The following YAP1 variants were observed in gnomAD, a reference collection of about 807,000 sequenced individuals.
The protein encoded by YAP1 is transcriptional coactivator YAP1.
Under a neutral mutation model 56.9 loss-of-function variants are expected in YAP1, and 5 were observed. The observed-to-expected ratio is 0.09, with a 90% CI of 0.05 to 0.18. YAP1 has a LOEUF of 0.18. Ranked by LOEUF, YAP1 falls within the 10% of genes least tolerant of loss-of-function variation. YAP1 has a pLI of 1.00. For missense variants in YAP1, 539 were observed against 651.8 expected (o/e 0.83, Z 1.88); for synonymous variants, 265 against 248.1 (o/e 1.07, Z -0.64).
intron 3 of YAP1, among the ~76,000 whole-genome samples, chr11:102,170,437 T>C (rs1264599300): frequency 1.3e-5 from 2 of 152,148 alleles, no homozygotes; most frequent in African/African-American, 4.8e-5. Flanking sequence ...GAGTACTGTG[T>C]TTTGTATGCT....
At chr11:102,209,158 C>G (rs1949268864) in intron 5 of YAP1, among the ~76,000 whole-genome samples, 2 of 152,116 alleles carry the variant, frequency 1.3e-5, no homozygotes, top group Non-Finnish European at 2.9e-5. Context: ...AGTCTTTTGG[C>G]TTCCTGTGAA....
At position 102,140,135 on chromosome 11, in the gene YAP1, A is replaced by G. The variant is rs919306471; in HGVS notation, c.573-22321A>G. ...AAAGCATAGTAGCTTTTCTGTATAT[A>G]TAGTCTGATAGTGTAAAAAAAATTG... On this transcript the variant is annotated intron_variant, in intron 2 of 8. Coordinates refer to ENST00000282441, the MANE Select transcript of YAP1 (RefSeq NM_001130145.3). Among the ~76,000 whole-genome samples, 34 of 151,932 alleles carry G rather than the reference A, an allele frequency of 2.2e-4. 1 individual carries two copies. Among genetic ancestry groups the G allele is most frequent in the Non-Finnish European group, 4.4e-5 (3 of 68,004 alleles).
intron 2 of YAP1, among the ~76,000 whole-genome samples, chr11:102,119,538 T>C (rs1215725425): frequency 2.0e-5 from 3 of 151,998 alleles, no homozygotes; most frequent in Non-Finnish European, 2.9e-5. Flanking sequence ...GCTAATTTTC[T>C]TTTTAAAGTC....
chr11:102,222,273 T>G (rs2135696239), intron 6 of YAP1, among the ~76,000 whole-genome samples: 1 of 152,230 alleles, frequency 6.6e-6, no homozygotes, highest in Non-Finnish European at 1.5e-5. Flanking sequence ...TAAGAAACTG[T>G]ATGTATTTCA....
chr11:102,125,336 C>T (rs866932863), intron 2 of YAP1, among the ~76,000 whole-genome samples: 2 of 148,278 alleles, frequency 1.3e-5, no homozygotes, highest in South Asian at 2.2e-4. Flanking sequence ...TTTCTTTTTT[C>T]CCAAAAAGCT....
chr11:102,159,238 C>T (rs979878117), intron 2 of YAP1, among the ~76,000 whole-genome samples: 1 of 151,994 alleles, frequency 6.6e-6, no homozygotes, highest in Non-Finnish European at 1.5e-5. Flanking sequence ...GTTGTGGTGC[C>T]GCACAGGTCC....
At chr11:102,210,061 G>T (rs1366283416) in intron 6 of YAP1, among the ~76,000 whole-genome samples, 1 of 152,140 alleles carries the variant, frequency 6.6e-6, no homozygotes, top group South Asian at 2.1e-4. Context: ...GAGAGTATCT[G>T]CCTGGATAGT....
At chr11:102,132,000 C>G (rs1391661508) in intron 2 of YAP1, among the ~76,000 whole-genome samples, 1 of 152,130 alleles carries the variant, frequency 6.6e-6, no homozygotes, top group Non-Finnish European at 1.5e-5. Flanking sequence ...CGCCTGTTGT[C>G]CCAGCTACTC....
intron 3 of YAP1, among the ~76,000 whole-genome samples, chr11:102,184,388 A>G (rs987320914): frequency 1.3e-5 from 2 of 152,206 alleles, no homozygotes; most frequent in African/African-American, 4.8e-5. Flanking sequence ...TGTGATAAAC[A>G]GGTTTGCTTC....
At position 102,205,921 on chromosome 11, in the gene YAP1, T is replaced by G. The variant is rs776984386; in HGVS notation, c.831T>G (p.Ala277=). 5.0e-6 allele frequency: 8 copies of G among 1,601,024 alleles called. No homozygotes were observed. The African/African-American group carries it at 1.1e-4, about 22-fold the overall frequency. ...TGAACCAGAGAATCAGTCAGAGTGC[T>G]CCAGTGAAACAGCCACCACCCCTGG... The part of the protein sequence containing the change: ...FAMNQRISQS[A]PVKQPPPLAP... Residue 277 remains alanine, a synonymous_variant, in exon 5 of 9, where the codon GCT becomes GCG. Transcript: ENST00000282441.
intron 3 of YAP1, among the ~76,000 whole-genome samples, chr11:102,163,547 G>A (rs964294655): frequency 2.6e-5 from 4 of 152,132 alleles, no homozygotes; most frequent in Middle Eastern, 3.2e-3. Context: ...GCTTTACCCC[G>A]CTGCTCAGTG....
chr11:102,225,671 C>T (rs182354138), intron 7 of YAP1, among the ~76,000 whole-genome samples: 197 of 152,198 alleles, frequency 1.3e-3, no homozygotes, highest in African/African-American at 4.1e-3. Flanking sequence ...CTCAGATGTC[C>T]CCCTCCATGA....
intron 1 of YAP1, chr11:102,112,869 C>T: frequency 1.3e-6 from 1 of 765,548 alleles, no homozygotes; most frequent in Non-Finnish European, 1.6e-6. Context: ...AGATTGGATC[C>T]CCCATTTTGT....
rs182986944 is a variant in YAP1, at chr11:102,137,728, C to G, written c.572+23334C>G. ...TGGGTTGATTTAGTTCTAAATATTT[C>G]ACGTTATTAGAGTCATTGACTTTTT... On this transcript the variant is annotated intron_variant, in intron 2 of 8. Transcript: ENST00000282441. 2.5e-4 allele frequency among the ~76,000 whole-genome samples: 38 copies of G among 149,378 alleles called. 1 individual carries two copies. The highest frequency in any genetic ancestry group is 8.8e-4 in the African/African-American group (36 of 40,754).
chr11:102,111,216 G>T (rs1407568803), intron 1 of YAP1, 47 bp downstream of exon 1: 2 of 1,603,358 alleles, frequency 1.2e-6, no homozygotes, highest in South Asian at 1.1e-5. Flanking sequence ...GCGGGCCTCA[G>T]ACCGGGGGGG....
chr11:102,186,006 T>C lies in YAP1; in HGVS notation c.689-12T>C, dbSNP rs549666810. 52 of 1,542,180 alleles carry C rather than the reference T, an allele frequency of 3.4e-5. No individual in the cohort carries two copies. Among genetic ancestry groups the C allele is most frequent in the Admixed American group, 1.6e-4 (7 of 43,302 alleles). On this transcript the variant is annotated splice_polypyrimidine_tract_variant and intron_variant, in intron 3 of 8. Transcript: ENST00000282441. Reference sequence around the variant, plus strand: ...AAAAACCATGATTTTTTTTTTTTTTTCTGTATTATAGGTCCTCTTCCTGAT... The same window carrying C: ...AAAAACCATGATTTTTTTTTTTTTTCCTGTATTATAGGTCCTCTTCCTGAT...
intron 2 of YAP1, among the ~76,000 whole-genome samples, chr11:102,144,941 C>T (rs1174332881): frequency 6.6e-6 from 1 of 152,076 alleles, no homozygotes. Context: ...CTCTCTCCTT[C>T]TCCTTCCCTC....
chr11:102,159,528 T>C (rs531900380), intron 2 of YAP1, among the ~76,000 whole-genome samples: 2 of 152,338 alleles, frequency 1.3e-5, no homozygotes, highest in South Asian at 4.1e-4. Context: ...TGAACTCTTA[T>C]CTCATTTTTA....
intron 2 of YAP1, among the ~76,000 whole-genome samples, chr11:102,134,684 G>C (rs762908691): frequency 1.3e-5 from 2 of 151,848 alleles, no homozygotes; most frequent in Non-Finnish European, 2.9e-5. Flanking sequence ...CCTCTATCCA[G>C]AGGTAACTTC....
Sources: allele counts gnomAD v4.1 joint callset (sites outside exome capture counted in the v4.1 genomes callset), GRCh38; gene constraint gnomAD v4.1.1; transcripts MANE v1.5; gene names NCBI Gene and HGNC (gene_info 2026-07-23, HGNC 2026-07-21).